AKT3: variants seen among roughly 807,000 people sequenced by gnomAD.
The protein encoded by AKT3 is RAC-gamma serine/threonine-protein kinase.
Under a neutral mutation model 65.3 loss-of-function variants are expected in AKT3, and 15 were observed. The observed-to-expected ratio is 0.23, with a 90% confidence interval of 0.15 to 0.35. The LOEUF (loss-of-function observed/expected upper bound fraction) is 0.35. Ranked by LOEUF, AKT3 falls within the 10% of genes least tolerant of loss-of-function variation. The probability of loss-of-function intolerance (pLI) is 1.00; values close to 1 mark genes in which losing one functional copy is unlikely to be tolerated. For synonymous variants in AKT3, 206 were observed against 183.8 expected, an observed-to-expected ratio of 1.12 and a Z score of -0.98; for missense variants, 243 against 576.5, an observed-to-expected ratio of 0.42 and a Z score of 5.92.
At chr1:243,780,533 C>A (rs1046722404) in intron 2 of AKT3, among the ~76,000 whole-genome samples, 1 of 150,366 alleles carries the variant, frequency 6.7e-6, no homozygotes, top group African/African-American at 2.4e-5. Flanking sequence ...GGAAAAAATT[C>A]TATATATTTG....
At chr1:243,666,362 T>TG in intron 3 of AKT3, among the ~76,000 whole-genome samples, 1 of 152,330 alleles carries the variant, frequency 6.6e-6, no homozygotes, top group Middle Eastern at 3.4e-3. Context: ...CAAGGGTCTC[T>TG]GCTTAGTTTT....
chr1:243,492,604 G>GTTTTTTTTTTTTTTTTTTT (rs74162289), intron 13 of AKT3, among the ~76,000 whole-genome samples: 1 of 58,876 alleles, frequency 1.7e-5, no homozygotes, highest in Non-Finnish European at 3.0e-5. Flanking sequence ...GCGCCCAGCT[G>GTTTTTTTTTTTTTTTTTTT]TTTTTTTTTT....
At chr1:243,813,412 CA>C in intron 2 of AKT3, among the ~76,000 whole-genome samples, 1 of 150,828 alleles carries the variant, frequency 6.6e-6, no homozygotes, top group East Asian at 1.9e-4. Flanking sequence ...ATGGGTGTAC[CA>C]AAATCTCGTA....
At chr1:243,776,116 T>A (rs982884825) in intron 2 of AKT3, among the ~76,000 whole-genome samples, 7 of 152,168 alleles carry the variant, frequency 4.6e-5, no homozygotes, top group African/African-American at 1.7e-4. Context: ...TTGCCCTTCT[T>A]AATGAATGTT....
chr1:243,811,031 A>G (rs1213049509), intron 2 of AKT3, among the ~76,000 whole-genome samples: 2 of 152,210 alleles, frequency 1.3e-5, no homozygotes, highest in South Asian at 2.1e-4. Context: ...TCTCAAAATA[A>G]TAAGAGCTAT....
intron 10 of AKT3, among the ~76,000 whole-genome samples, chr1:243,558,329 CTT>C (rs1374256459): frequency 9.2e-5 from 14 of 151,934 alleles, no homozygotes; most frequent in African/African-American, 3.4e-4. Flanking sequence ...AACACAATGA[CTT>C]TGAGCAAATC....
At chr1:243,539,210 T>A (rs1321122958) in intron 12 of AKT3, among the ~76,000 whole-genome samples, 2 of 152,020 alleles carry the variant, frequency 1.3e-5, no homozygotes, top group Non-Finnish European at 2.9e-5. Context: ...CCAAGTCCAA[T>A]CCCTCCTCTT....
chr1:243,824,426 A>G (rs1694037438), intron 2 of AKT3, among the ~76,000 whole-genome samples: 1 of 152,194 alleles, frequency 6.6e-6, no homozygotes, highest in Non-Finnish European at 1.5e-5. Flanking sequence ...TAATTAAACT[A>G]AAGAGCTTCT....
chr1:243,813,468 T>TC (rs1693313045), intron 2 of AKT3, among the ~76,000 whole-genome samples: 1 of 149,444 alleles, frequency 6.7e-6, no homozygotes, highest in African/African-American at 2.5e-5. Flanking sequence ...TACCACCTGT[T>TC]CCCCAAACGC....
rs984598082 is a variant in AKT3 at position 243,844,261 on chromosome 1, T to C, written c.-112-979A>G. Among the ~76,000 whole-genome samples, 38 of 152,144 alleles carry C rather than the reference T, an allele frequency of 2.5e-4. 1 individual carries two copies. Among genetic ancestry groups the C allele is most frequent in the African/African-American group, 8.9e-4 (37 of 41,450 alleles). On this transcript the variant is annotated intron_variant, in intron 1 of 13. Transcript: ENST00000673466. ...TGAGGCTCACACAGATAAACCAACT[T>C]GCTCAATTTCAACACACCTAGTAAA...
Position 243,664,378 on chromosome 1 carries a change from G to GT in AKT3, c.284+393dup, listed in dbSNP as rs545224022. Among the ~76,000 whole-genome samples, 806 of 151,096 alleles carry GT rather than the reference G, an allele frequency of 5.3e-3. 7 individuals carry two copies. Among genetic ancestry groups the GT allele is most frequent in the Non-Finnish European group, 7.1e-3 (484 of 67,744 alleles). ...CGCCTGGCTGATTTTTTGTGTGTGT[G>GT]TTTTTTTAGTAGCGACAGGGTTTCA... On this transcript the variant is annotated intron_variant, in intron 4 of 13. Transcript: ENST00000673466.
intron 9 of AKT3, 34 bp from the exon 10 acceptor site, chr1:243,563,882 A>G (rs758276746): frequency 8.9e-6 from 14 of 1,581,442 alleles, no homozygotes; most frequent in South Asian, 1.2e-5. Context: ...AATTTGTTCT[A>G]TAGTCTTCAA....
chr1:243,526,433 T>C lies in AKT3; in HGVS notation c.1252-14007A>G, dbSNP rs935584306. Among the ~76,000 whole-genome samples the C allele has an allele frequency of 3.3e-5, 5 of 152,078 alleles. 1 individual carries two copies. The highest frequency in any genetic ancestry group is 2.6e-4 in the Admixed American group (4 of 15,276). The stretch of plus-strand genomic sequence containing the variant: ...TGACCACTGCCACGTACCAATAAGA[T>C]GGTCTAGCAGACAACATGAATGAGC... On this transcript the variant is annotated intron_variant, in intron 12 of 13. Transcript: ENST00000673466.
At chr1:243,649,454 G>A (rs1377054078) in intron 4 of AKT3, among the ~76,000 whole-genome samples, 1 of 151,722 alleles carries the variant, frequency 6.6e-6, no homozygotes, top group Non-Finnish European at 1.5e-5. Context: ...GGGTACATGT[G>A]CAGAATGTGC....
chr1:243,556,614 C>T (rs1041317949), intron 10 of AKT3, among the ~76,000 whole-genome samples: 2 of 152,120 alleles, frequency 1.3e-5, no homozygotes, highest in Non-Finnish European at 2.9e-5. Context: ...ACTGTCTGCA[C>T]ACCTATGCTG....
intron 12 of AKT3, among the ~76,000 whole-genome samples, chr1:243,537,168 AT>A (rs1257486350): frequency 1.3e-5 from 2 of 152,136 alleles, no homozygotes; most frequent in African/African-American, 4.8e-5. Flanking sequence ...ATTATTGACC[AT>A]GAATATTTTC....
intron 8 of AKT3, among the ~76,000 whole-genome samples, chr1:243,579,980 T>C (rs1190145877): frequency 2.0e-5 from 3 of 152,216 alleles, no homozygotes; most frequent in Admixed American, 6.5e-5. Flanking sequence ...AGTGGTTATC[T>C]AGTCTCAAGA....
At chr1:243,749,268 A>G (rs1688660215) in intron 2 of AKT3, among the ~76,000 whole-genome samples, 1 of 152,102 alleles carries the variant, frequency 6.6e-6, no homozygotes, top group Admixed American at 6.5e-5. Flanking sequence ...ACGAAACTAA[A>G]CCAAATAAAT....
At chr1:243,618,497 G>A (rs1299789753) in intron 6 of AKT3, among the ~76,000 whole-genome samples, 1 of 152,076 alleles carries the variant, frequency 6.6e-6, no homozygotes. Context: ...AATAACAGTA[G>A]TAAAACAGTG....
Sources: allele counts gnomAD v4.1 joint callset (sites outside exome capture counted in the v4.1 genomes callset), GRCh38; gene constraint gnomAD v4.1.1; transcripts MANE v1.5; gene names NCBI Gene and HGNC (gene_info 2026-07-23, HGNC 2026-07-21).